QKI: variants seen among roughly 807,000 people sequenced by gnomAD.
QKI encodes QKI, KH domain containing RNA binding.
QKI carries 10 observed loss-of-function variants against 39.0 expected under a neutral mutation model. That is an observed-to-expected ratio of 0.26 (90% confidence interval 0.16 to 0.43). The LOEUF (loss-of-function observed/expected upper bound fraction) is 0.43. Among genes scored for constraint, QKI ranks in the 20% least tolerant of loss-of-function variants. The pLI is 1.00. For missense variants in QKI, 218 were observed against 428.0 expected, an observed-to-expected ratio of 0.51 and a Z score of 4.33; for synonymous variants, 204 against 155.4, an observed-to-expected ratio of 1.31 and a Z score of -2.33.
intron 4 of QKI, among the ~76,000 whole-genome samples, chr6:163,543,727 A>C (rs1199902994): frequency 6.6e-6 from 1 of 152,078 alleles, no homozygotes; most frequent in African/African-American, 2.4e-5. Context: ...AATGAGAATG[A>C]GTTGATCCAT....
At chr6:163,427,799 C>T (rs1788528127) in intron 1 of QKI, among the ~76,000 whole-genome samples, 1 of 152,028 alleles carries the variant, frequency 6.6e-6, no homozygotes, top group Admixed American at 6.6e-5. Flanking sequence ...AAGAATATGA[C>T]AGGCAAAATG....
rs1783719155 is a variant in QKI at position 163,571,892 on chromosome 6, T to C, written c.*1182T>C. On this transcript the variant is annotated 3_prime_UTR_variant, in exon 8 of 8. Transcript: ENST00000361752. Reference sequence around the variant, plus strand: ...CTTATTTTCCTTCATGGTCATTCAGTCAAGTGTCTCATAAAGATCAGCTCC... The same window carrying C: ...CTTATTTTCCTTCATGGTCATTCAGCCAAGTGTCTCATAAAGATCAGCTCC... The C allele has an allele frequency of 6.6e-6, 1 of 152,132 alleles. No individual in the cohort carries two copies. The highest frequency in any genetic ancestry group is 1.5e-5 in the Non-Finnish European group (1 of 68,022). 9.4% of individuals were successfully genotyped at this position (152,132 alleles called of 1,614,324 possible).
rs1787277331 is a variant in QKI, at chr6:163,414,781, C to G, written c.-413C>G. 1 of 147,198 alleles carries G rather than the reference C, an allele frequency of 6.8e-6. No homozygotes were observed. Among genetic ancestry groups the G allele is most frequent in the African/African-American group, 2.4e-5 (1 of 40,858 alleles). 9.1% of individuals were successfully genotyped at this position (147,198 alleles called of 1,614,324 possible). ...CGGGGACCAGCCCAGAGAGACCCCC[C>G]GAGCCCGCGGCACAGGCGGCGGCGG... On this transcript the variant is annotated 5_prime_UTR_variant, in exon 1 of 8. Transcript: ENST00000361752.
intron 7 of QKI, chr6:163,569,222 G>A (rs1037463327): frequency 3.3e-4 from 320 of 963,918 alleles, no homozygotes; most frequent in Non-Finnish European, 3.2e-4. Context: ...ATTCAGGGAA[G>A]ATTTGGTCAC....
intron 4 of QKI, 77 bp downstream of exon 4, chr6:163,535,202 A>C: frequency 7.2e-7 from 1 of 1,396,894 alleles, no homozygotes; most frequent in South Asian, 1.7e-5. Flanking sequence ...CGTAATGTTT[A>C]TAAGGAATAG....
intron 4 of QKI, among the ~76,000 whole-genome samples, chr6:163,555,117 T>G (rs1246116330): frequency 6.6e-6 from 1 of 152,206 alleles, no homozygotes; most frequent in East Asian, 1.9e-4. Context: ...TAGTCATGTA[T>G]TTTTTTGTTT....
chr6:163,431,162 T>A (rs1000080980), intron 1 of QKI, among the ~76,000 whole-genome samples: 2 of 151,966 alleles, frequency 1.3e-5, no homozygotes, highest in Non-Finnish European at 2.9e-5. Flanking sequence ...CTGGCTCAAG[T>A]CAAATCAAAG....
rs1466918258 is a variant in QKI, at chr6:163,573,816, GTTTAT to G, written c.*3108_*3112del. The G allele has an allele frequency of 6.6e-6, 1 of 152,136 alleles. No homozygotes were observed. Among genetic ancestry groups the G allele is most frequent in the Non-Finnish European group, 1.5e-5 (1 of 68,022 alleles). 9.4% of individuals were successfully genotyped at this position (152,136 alleles called of 1,614,324 possible). A position where few individuals can be genotyped will look rare whatever the true frequency, so the allele number is the denominator to read the frequency against. ...AACCTACTAACTCTGGACTTTGTCT[GTTTAT>G]TAACCTTTATATGTTTAATTAAAAT... On this transcript the variant is annotated 3_prime_UTR_variant, in exon 8 of 8. Coordinates refer to ENST00000361752, the MANE Select transcript of QKI (RefSeq NM_006775.3).
intron 4 of QKI, among the ~76,000 whole-genome samples, chr6:163,536,979 T>C (rs1412757226): frequency 6.6e-6 from 1 of 152,064 alleles, no homozygotes; most frequent in Non-Finnish European, 1.5e-5. Context: ...GATGCTGTGG[T>C]GGGAGGATCA....
intron 2 of QKI, among the ~76,000 whole-genome samples, chr6:163,474,069 TA>T (rs1445136054): frequency 1.3e-5 from 2 of 152,198 alleles, no homozygotes; most frequent in African/African-American, 4.8e-5. Context: ...TCCACTGCAA[TA>T]ACAGAATTAA....
At chr6:163,492,683 T>A (rs559878466) in intron 3 of QKI, among the ~76,000 whole-genome samples, 1 of 152,130 alleles carries the variant, frequency 6.6e-6, no homozygotes, top group African/African-American at 2.4e-5. Context: ...TGAAGAAAAT[T>A]TGGAGTAATT....
rs1212780102 is a variant in QKI, at chr6:163,576,463, AAGTT to A, written c.*5755_*5758del. ...GGGAAGATCTCAGCTTCCAGGGTAA[AAGTT>A]AATTTATAACTTAAAAGTGCTATTA... On this transcript the variant is annotated 3_prime_UTR_variant, in exon 8 of 8. Coordinates refer to ENST00000361752, the MANE Select transcript of QKI (RefSeq NM_006775.3). 6.6e-6 allele frequency: 1 copy of A among 152,126 alleles called. No individual in the cohort carries two copies. Among genetic ancestry groups the A allele is most frequent in the African/African-American group, 2.4e-5 (1 of 41,416 alleles). The allele number at this position is 152,126 out of a possible 1,614,324, so 9.4% of individuals were successfully genotyped here.
intron 3 of QKI, among the ~76,000 whole-genome samples, chr6:163,523,329 C>T (rs533385422): frequency 6.6e-6 from 1 of 152,224 alleles, no homozygotes; most frequent in South Asian, 2.1e-4. Context: ...CGAGAAAGCA[C>T]CATATGGCTT....
At chr6:163,541,755 T>A (rs1781535283) in intron 4 of QKI, among the ~76,000 whole-genome samples, 1 of 151,920 alleles carries the variant, frequency 6.6e-6, no homozygotes, top group African/African-American at 2.4e-5. Flanking sequence ...GATAGTAACT[T>A]TTTCCTTCTT....
chr6:163,489,013 GTTTT>G (rs930351513), intron 3 of QKI, among the ~76,000 whole-genome samples: 6 of 138,436 alleles, frequency 4.3e-5, no homozygotes, highest in Non-Finnish European at 7.8e-5. Flanking sequence ...TTATGTAACA[GTTTT>G]GTGTGTGTAT....
At chr6:163,428,124 C>T (rs1179755836) in intron 1 of QKI, among the ~76,000 whole-genome samples, 1 of 152,146 alleles carries the variant, frequency 6.6e-6, no homozygotes, top group African/African-American at 2.4e-5. Context: ...AAGAGTTGCT[C>T]AGGAATGTGA....
intron 6 of QKI, chr6:163,564,751 A>G (rs1320122811): frequency 1.2e-6 from 2 of 1,613,746 alleles, no homozygotes; most frequent in African/African-American, 2.7e-5. Context: ...CTGTTATAAC[A>G]CGACCAGTCA....
chr6:163,544,944 A>G (rs921566344), intron 4 of QKI, among the ~76,000 whole-genome samples: 3 of 152,148 alleles, frequency 2.0e-5, no homozygotes, highest in Admixed American at 6.5e-5. Context: ...GTATAATCTG[A>G]TTAAAATCCT....
intron 3 of QKI, among the ~76,000 whole-genome samples, chr6:163,517,792 T>C (rs1779923963): frequency 6.6e-6 from 1 of 152,208 alleles, no homozygotes; most frequent in Non-Finnish European, 1.5e-5. Context: ...CTAACTTTTT[T>C]CCCTAAATAG....
Sources: gnomAD v4.1 joint callset for allele counts (sites outside exome capture counted in the v4.1 genomes callset) on GRCh38, gnomAD v4.1.1 for gene constraint, MANE v1.5 for transcripts, NCBI Gene and HGNC (gene_info 2026-07-23, HGNC 2026-07-21) for gene names.